The following FRAS1 variants were observed in gnomAD, a reference collection of about 807,000 sequenced individuals.
FRAS1 encodes the protein extracellular matrix organizing protein FRAS1.
FRAS1 carries 290 observed loss-of-function variants against 435.2 expected under a neutral mutation model. The ratio of observed to expected loss-of-function variants is 0.67; its 90% CI spans 0.61 to 0.73. FRAS1 has a LOEUF of 0.73. FRAS1 is among the 30% of genes least tolerant of loss of function. The pLI is 0.00. For missense variants in FRAS1, 4,860 were observed against 5,001.5 expected, an observed-to-expected ratio of 0.97 and a Z score of 0.85; for synonymous variants, 1,800 against 1,851.0, an observed-to-expected ratio of 0.97 and a Z score of 0.71.
At chr4:78,159,688 C>T (rs1172000153) in intron 2 of FRAS1, among the ~76,000 whole-genome samples, 1 of 152,112 alleles carries the variant, frequency 6.6e-6, no homozygotes, top group African/African-American at 2.4e-5. Flanking sequence ...CGAGACCAGC[C>T]TGGCCAACAT....
intron 2 of FRAS1, among the ~76,000 whole-genome samples, chr4:78,208,182 C>T (rs2110082158): frequency 6.6e-6 from 1 of 152,240 alleles, no homozygotes; most frequent in East Asian, 1.9e-4. Context: ...CGGGTAGACC[C>T]AGAAGAGAGA....
chr4:78,334,176 AG>A (rs1374462482), intron 19 of FRAS1, among the ~76,000 whole-genome samples: 3 of 152,194 alleles, frequency 2.0e-5, no homozygotes, highest in African/African-American at 4.8e-5. Context: ...AGTTCAGAAT[AG>A]GAAAAATAAA....
chr4:78,436,518 T>G (rs1342784562), intron 38 of FRAS1, among the ~76,000 whole-genome samples: 1 of 152,170 alleles, frequency 6.6e-6, no homozygotes. Flanking sequence ...GCAAGAATGT[T>G]CATAGCACTA....
At chr4:78,231,776 GT>G (rs968029557) in intron 2 of FRAS1, among the ~76,000 whole-genome samples, 50 of 147,568 alleles carry the variant, frequency 3.4e-4, no homozygotes, top group African/African-American at 1.0e-3. Flanking sequence ...GAAACAAGTT[GT>G]TTTTTTTTTA....
chr4:78,075,771 C>T (rs1217490202), intron 2 of FRAS1, among the ~76,000 whole-genome samples: 1 of 152,102 alleles, frequency 6.6e-6, no homozygotes, highest in Admixed American at 6.5e-5. Flanking sequence ...CAGAGGAAAT[C>T]GTTTTTGATC....
intron 2 of FRAS1, among the ~76,000 whole-genome samples, chr4:78,189,321 C>A (rs549354389): frequency 6.6e-6 from 1 of 152,296 alleles, no homozygotes; most frequent in African/African-American, 2.4e-5. Flanking sequence ...GGTAGTGCAT[C>A]CCACTTGGTT....
At chr4:78,515,419 C>A (rs1432682463) in intron 65 of FRAS1, among the ~76,000 whole-genome samples, 1 of 150,850 alleles carries the variant, frequency 6.6e-6, no homozygotes, top group Non-Finnish European at 1.5e-5. Context: ...TACAGTAAAT[C>A]CATTTCTTCA....
intron 2 of FRAS1, among the ~76,000 whole-genome samples, chr4:78,113,234 A>G (rs993176703): frequency 6.6e-6 from 1 of 152,172 alleles, no homozygotes; most frequent in African/African-American, 2.4e-5. Flanking sequence ...TCATTGTTGG[A>G]CATTTGGGTT....
intron 2 of FRAS1, among the ~76,000 whole-genome samples, chr4:78,188,451 T>C (rs981904494): frequency 2.6e-5 from 4 of 152,226 alleles, no homozygotes; most frequent in African/African-American, 9.6e-5. Context: ...TGATGGAGGC[T>C]GGCTAGGCCA....
chr4:78,144,141 T>C (rs1179025332), intron 2 of FRAS1, among the ~76,000 whole-genome samples: 1 of 150,252 alleles, frequency 6.7e-6, no homozygotes, highest in Non-Finnish European at 1.5e-5. Context: ...AACTTTAAAA[T>C]ATACATATAA....
intron 27 of FRAS1, 109 bp downstream of exon 27, chr4:78,380,105 G>T (rs1004196466): frequency 3.2e-6 from 4 of 1,261,936 alleles, no homozygotes; most frequent in East Asian, 2.3e-5. Flanking sequence ...TTCTCATCTG[G>T]GGAAGATCAA....
At chr4:78,420,879 C>T (rs968529720) in intron 33 of FRAS1, among the ~76,000 whole-genome samples, 8 of 95,480 alleles carry the variant, frequency 8.4e-5, no homozygotes, top group South Asian at 5.3e-4. Flanking sequence ...ACTAATAGGA[C>T]ATATATATAT....
Position 78,330,565 on chromosome 4 carries a change from G to C in FRAS1, c.2138-2707G>C, listed in dbSNP as rs1009296954. Among the ~76,000 whole-genome samples the C allele has an allele frequency of 5.9e-5, 9 of 152,032 alleles. 1 individual carries two copies. Among genetic ancestry groups the C allele is most frequent in the African/African-American group, 1.9e-4 (8 of 41,296 alleles). ...TTTTTCTCAGCAAGGAACATCCCTGGGAAAGAGAATGCGCGCCTGGGGGGT... is the reference window on the plus strand; with the variant it reads ...TTTTTCTCAGCAAGGAACATCCCTGCGAAAGAGAATGCGCGCCTGGGGGGT... On this transcript the variant is annotated intron_variant, in intron 18 of 73. Transcript: ENST00000512123.
Position 78,481,786 on chromosome 4 carries a change from C to G in FRAS1, c.8444-18C>G. On this transcript the variant is annotated intron_variant, in intron 56 of 73. Transcript: ENST00000512123. ...GGCTCAAAGTTGACCATTAAAATCT[C>G]TATGAATCTTAATTCAGGCACAGTA... 1 of 1,613,382 alleles carries G rather than the reference C, an allele frequency of 6.2e-7. No individual in the cohort carries two copies. Among genetic ancestry groups the G allele is most frequent in the Non-Finnish European group, 8.5e-7 (1 of 1,179,394 alleles).
At chr4:78,416,760 A>G (rs1173693331) in intron 32 of FRAS1, among the ~76,000 whole-genome samples, 1 of 152,126 alleles carries the variant, frequency 6.6e-6, no homozygotes, top group Non-Finnish European at 1.5e-5. Context: ...CAGGGTGTTG[A>G]GCAGAGGCCT....
chr4:78,118,646 C>T (rs987156194), intron 2 of FRAS1, among the ~76,000 whole-genome samples: 4 of 152,132 alleles, frequency 2.6e-5, no homozygotes, highest in African/African-American at 9.7e-5. Flanking sequence ...TCCTGGTGTG[C>T]CATTTGCTAA....
chr4:78,390,936 T>C (rs1732419596), intron 29 of FRAS1, among the ~76,000 whole-genome samples: 1 of 152,184 alleles, frequency 6.6e-6, no homozygotes, highest in Non-Finnish European at 1.5e-5. Flanking sequence ...TCAAGGTAAC[T>C]AGGGAGGGAT....
At chr4:78,498,211 AG>A (rs1720563072) in intron 60 of FRAS1, among the ~76,000 whole-genome samples, 1 of 152,210 alleles carries the variant, frequency 6.6e-6, no homozygotes, top group African/African-American at 2.4e-5. Context: ...CAGAACTTAA[AG>A]TATAATTTTA....
chr4:78,433,528 T>A (rs1440461676), intron 38 of FRAS1, among the ~76,000 whole-genome samples: 1 of 152,202 alleles, frequency 6.6e-6, no homozygotes, highest in Non-Finnish European at 1.5e-5. Flanking sequence ...TAGTCCTGAA[T>A]AGCAGCATGT....
Sources: allele counts gnomAD v4.1 joint callset (sites outside exome capture counted in the v4.1 genomes callset), GRCh38; gene constraint gnomAD v4.1.1; transcripts MANE v1.5; gene names NCBI Gene and HGNC (gene_info 2026-07-23, HGNC 2026-07-21).